The following MRPS31 variants were observed in gnomAD, a reference collection of about 807,000 sequenced individuals.
The protein encoded by MRPS31 is mitochondrial ribosomal protein S31.
MRPS31 carries 32 observed loss-of-function variants against 43.1 expected under a neutral mutation model. The ratio of observed to expected loss-of-function variants is 0.74; its 90% CI spans 0.56 to 1.00. The LOEUF is 1.00. MRPS31 is among the 50% of genes least tolerant of loss of function. The pLI, the probability that MRPS31 is intolerant of heterozygous loss-of-function variation, is 0.00. For synonymous variants in MRPS31, 165 were observed against 161.6 expected, an observed-to-expected ratio of 1.02 and a Z score of -0.16; for missense variants, 437 against 466.7, an observed-to-expected ratio of 0.94 and a Z score of 0.59.
intron 6 of MRPS31, among the ~76,000 whole-genome samples, chr13:40,736,568 C>T (rs1362201556): frequency 6.6e-6 from 1 of 151,022 alleles, no homozygotes; most frequent in African/African-American, 2.5e-5. Context: ...GCCCATCAGA[C>T]TAACAGCGGA....
intron 6 of MRPS31, among the ~76,000 whole-genome samples, chr13:40,732,371 G>C (rs765587629): frequency 1.3e-5 from 2 of 152,232 alleles, no homozygotes; most frequent in African/African-American, 2.4e-5. Context: ...GTAAGTGACA[G>C]ACACCTTGGC....
rs1222524820 is a variant in MRPS31 at position 40,738,759 on chromosome 13, A to C, written c.959-9158T>G. ...AACAACCTTCATGCTAAAAACTCTCAATAAATTAGGTATTGATGGGACATA... is the reference window on the plus strand; with the variant it reads ...AACAACCTTCATGCTAAAAACTCTCCATAAATTAGGTATTGATGGGACATA... On this transcript the variant is annotated intron_variant, in intron 6 of 6. Transcript: ENST00000323563. 3.9e-5 allele frequency among the ~76,000 whole-genome samples: 6 copies of C among 152,208 alleles called. No individual in the cohort carries two copies. In the East Asian group the frequency reaches 1.2e-3, roughly 29 times the overall value.
chr13:40,729,878 T>G (rs752654585), intron 6 of MRPS31, among the ~76,000 whole-genome samples: 4 of 151,854 alleles, frequency 2.6e-5, no homozygotes, highest in African/African-American at 7.3e-5. Flanking sequence ...TACAGGCATG[T>G]ACCACCACGC....
intron 6 of MRPS31, among the ~76,000 whole-genome samples, chr13:40,743,614 G>A (rs143854341): frequency 5.3e-5 from 8 of 152,154 alleles, no homozygotes; most frequent in Non-Finnish European, 8.8e-5. Context: ...TCATTATCAC[G>A]GATCATCCGG....
intron 6 of MRPS31, among the ~76,000 whole-genome samples, chr13:40,742,541 C>A (rs1366353718): frequency 1.3e-5 from 2 of 152,208 alleles, no homozygotes; most frequent in East Asian, 3.8e-4. Flanking sequence ...TGCTACCTGT[C>A]AGTTAGCACA....
At chr13:40,734,238 T>C (rs577108675) in intron 6 of MRPS31, among the ~76,000 whole-genome samples, 1 of 152,108 alleles carries the variant, frequency 6.6e-6, no homozygotes, top group Admixed American at 6.5e-5. Flanking sequence ...ATATCAAGGG[T>C]CTCAAAGCAT....
chr13:40,760,099 T>C (rs1880649009), intron 2 of MRPS31, among the ~76,000 whole-genome samples: 1 of 140,384 alleles, frequency 7.1e-6, no homozygotes, highest in Non-Finnish European at 1.5e-5. Context: ...ATTGCGCCAC[T>C]GCACTCCAGC....
intron 3 of MRPS31, among the ~76,000 whole-genome samples, chr13:40,757,765 C>G (rs1264853181): frequency 1.5e-5 from 2 of 136,794 alleles, no homozygotes; most frequent in Non-Finnish European, 3.1e-5. Flanking sequence ...TTTTTAATTA[C>G]AGTTTCTTGT....
At chr13:40,742,762 A>T (rs1880136975) in intron 6 of MRPS31, among the ~76,000 whole-genome samples, 1 of 152,220 alleles carries the variant, frequency 6.6e-6, no homozygotes, top group Non-Finnish European at 1.5e-5. Flanking sequence ...TGTGATTAAC[A>T]TTCATCCTGA....
intron 2 of MRPS31, among the ~76,000 whole-genome samples, chr13:40,763,493 C>T (rs1054924756): frequency 3.3e-5 from 5 of 152,216 alleles, no homozygotes; most frequent in Admixed American, 1.3e-4. Context: ...ATCAGGTACC[C>T]GTAGTTCTCC....
chr13:40,748,105 CT>C (rs1880288860), intron 6 of MRPS31, among the ~76,000 whole-genome samples: 1 of 152,120 alleles, frequency 6.6e-6, no homozygotes, highest in Non-Finnish European at 1.5e-5. Flanking sequence ...CTTATTTAGG[CT>C]TTTCCAACTT....
In MRPS31 at chr13:40,734,936, T is replaced by C. The variant is rs576703270; in HGVS notation, c.959-5335A>G. The stretch of plus-strand genomic sequence containing the variant: ...ACGCTAGGCGGGGGAGGAGCCAAGA[T>C]GGCCGAATAGCAACAGCTCCAGTCT... On this transcript the variant is annotated intron_variant, in intron 6 of 6. Transcript: ENST00000323563. Among the ~76,000 whole-genome samples, 3 of 152,264 alleles carry C rather than the reference T, an allele frequency of 2.0e-5. No individual in the cohort carries two copies. In the South Asian group the frequency reaches 6.2e-4, roughly 32 times the overall value.
chr13:40,758,807 TGAA>T, intron 3 of MRPS31, 138 bp downstream of exon 3: 1 of 782,188 alleles, frequency 1.3e-6, no homozygotes. Flanking sequence ...TTTAAAAAGT[TGAA>T]TTGCTAAAAT....
At chr13:40,753,630 C>T (rs1464257596) in intron 5 of MRPS31, among the ~76,000 whole-genome samples, 4 of 152,124 alleles carry the variant, frequency 2.6e-5, no homozygotes, top group Non-Finnish European at 4.4e-5. Flanking sequence ...CCCAAACATC[C>T]CAGGGCATAC....
At chr13:40,749,401 T>A in intron 5 of MRPS31, 120 bp from the exon 6 acceptor site, 2 of 670,086 alleles carry the variant, frequency 3.0e-6, no homozygotes, top group South Asian at 5.5e-5. Context: ...AATTAAATAG[T>A]ATATAATAAA....
In MRPS31 at chr13:40,771,020, T is replaced by TC. The variant is rs769599814; in HGVS notation, c.116dup (p.Thr40AsnfsTer16). 2 of 1,614,110 alleles carry TC rather than the reference T, an allele frequency of 1.2e-6. No individual in the cohort carries two copies. Among genetic ancestry groups the TC allele is most frequent in the Non-Finnish European group, 1.7e-6 (2 of 1,180,014 alleles). On this transcript the variant is annotated frameshift_variant, in exon 1 of 7. Transcript: ENST00000323563. LOFTEE classifies it high-confidence loss of function. The stretch of plus-strand genomic sequence containing the variant: ...GCGCTGAACTGCGGTACCTGACTGT[T>TC]CCGTGCCGAACAGTGAGTAGCATAA...
At chr13:40,745,800 C>CT (rs532919316) in intron 6 of MRPS31, among the ~76,000 whole-genome samples, 111 of 152,070 alleles carry the variant, frequency 7.3e-4, no homozygotes, top group Non-Finnish European at 1.3e-3. Context: ...TAGAAACACT[C>CT]TGTTACTGGG....
chr13:40,744,535 T>C (rs1437190403), intron 6 of MRPS31, among the ~76,000 whole-genome samples: 1 of 152,234 alleles, frequency 6.6e-6, no homozygotes, highest in Non-Finnish European at 1.5e-5. Context: ...GTAAGGTATC[T>C]GAACAGATAT....
rs1420461190 is a variant in MRPS31 at position 40,729,526 on chromosome 13, C to A, written c.1034G>T (p.Gly345Val). 6 of 1,613,846 alleles carry A rather than the reference C, an allele frequency of 3.7e-6. No homozygotes were observed. The African/African-American group carries it at 8.0e-5, about 22-fold the overall frequency. ...EKHLESFPKQ[G>V]PIRHFMELVT... ...CAGCTCCATGAAGTGGCGAATTGGT[C>A]CTTGTTTTGGAAAGCTCTCCAGGTG... Residue 345 changes from glycine (G) to valine (V), a missense_variant, in exon 7 of 7, where the codon GGA (glycine) becomes GTA (valine). Gly to Val is a moderately radical substitution (Grantham distance 109). Transcript: ENST00000323563.
Sources: allele counts gnomAD v4.1 joint callset (sites outside exome capture counted in the v4.1 genomes callset), GRCh38; gene constraint gnomAD v4.1.1; transcripts MANE v1.5; gene names NCBI Gene and HGNC (gene_info 2026-07-23, HGNC 2026-07-21).